The following PDS5A variants were observed in gnomAD, a reference collection of about 807,000 sequenced individuals.
PDS5A encodes the protein PDS5 cohesin associated factor A, also known as sister chromatid cohesion protein PDS5 homolog A.
Under a neutral mutation model 167.1 loss-of-function variants are expected in PDS5A, and 42 were observed. That is an observed-to-expected ratio of 0.25 (90% CI 0.20 to 0.33). The LOEUF (loss-of-function observed/expected upper bound fraction) is 0.33. PDS5A is among the 10% of genes least tolerant of loss of function. The pLI, the probability that PDS5A is intolerant of heterozygous loss-of-function variation, is 1.00. For synonymous variants in PDS5A, 553 were observed against 554.6 expected (o/e 1.00, Z 0.04); for missense variants, 1,033 against 1,605.9 (o/e 0.64, Z 6.10).
At chr4:39,905,651 A>T (rs1426259613) in intron 11 of PDS5A, among the ~76,000 whole-genome samples, 1 of 152,184 alleles carries the variant, frequency 6.6e-6, no homozygotes, top group African/African-American at 2.4e-5. Context: ...GGACCAAAAC[A>T]AACAGGCCAG....
intron 10 of PDS5A, among the ~76,000 whole-genome samples, chr4:39,909,063 A>C (rs1192345939): frequency 1.3e-5 from 2 of 150,164 alleles, no homozygotes; most frequent in African/African-American, 4.9e-5. Flanking sequence ...AATAAAATAA[A>C]ATAAAATAAA....
chr4:39,964,002 G>A (rs1428866472), intron 2 of PDS5A, among the ~76,000 whole-genome samples: 3 of 152,076 alleles, frequency 2.0e-5, no homozygotes, highest in African/African-American at 7.2e-5. Context: ...TGCCTCCCAA[G>A]TTCAAGTGAT....
chr4:39,868,808 T>C lies in PDS5A; in HGVS notation c.2505+586A>G, dbSNP rs1719766597. On this transcript the variant is annotated intron_variant, in intron 22 of 32. Transcript: ENST00000303538. ...TTATTGACAACCAGGAAAAATGAAT[T>C]GATAGAATATATGATGATGATGAAG... is the stretch of plus-strand genomic sequence containing the variant. 9.9e-6 allele frequency: 4 copies of C among 402,438 alleles called. No individual in the cohort carries two copies. The Admixed American group carries it at 1.2e-4, about 12-fold the overall frequency. The allele number at this position is 402,438 out of a possible 1,614,324, so 24.9% of individuals were successfully genotyped here.
intron 26 of PDS5A, among the ~76,000 whole-genome samples, chr4:39,850,302 G>C (rs1718016516): frequency 6.7e-6 from 1 of 149,972 alleles, no homozygotes; most frequent in Non-Finnish European, 1.5e-5. Flanking sequence ...TTCGAGACTA[G>C]CCTCGTGAGA....
intron 17 of PDS5A, among the ~76,000 whole-genome samples, chr4:39,885,061 G>C (rs777872722): frequency 1.3e-5 from 2 of 151,812 alleles, no homozygotes; most frequent in Non-Finnish European, 2.9e-5. Flanking sequence ...ACAGGAGCTC[G>C]AGACCAGCCT....
intron 26 of PDS5A, among the ~76,000 whole-genome samples, chr4:39,858,425 G>C (rs1718710983): frequency 6.6e-6 from 1 of 152,198 alleles, no homozygotes; most frequent in Non-Finnish European, 1.5e-5. Context: ...ATGGTCAGTT[G>C]ATTTTTGACA....
chr4:39,865,055 C>G (rs1719312475), intron 23 of PDS5A, among the ~76,000 whole-genome samples: 1 of 151,902 alleles, frequency 6.6e-6, no homozygotes, highest in South Asian at 2.1e-4. Flanking sequence ...CCAAAGAGTC[C>G]TGCTAATTTA....
Position 39,825,466 on chromosome 4 carries a change from T to C in PDS5A, c.*19A>G. On this transcript the variant is annotated 3_prime_UTR_variant, in exon 33 of 33. Transcript: ENST00000303538. ...CTGCTTCTGTTTGGCCTTCATTTTC[T>C]CCCTTTGCAAATGCATTTTTACCTT... The C allele has an allele frequency of 6.3e-7, 1 of 1,578,330 alleles. No individual in the cohort carries two copies. The highest frequency in any genetic ancestry group is 8.6e-7 in the Non-Finnish European group (1 of 1,159,168).
intron 2 of PDS5A, among the ~76,000 whole-genome samples, chr4:39,952,253 C>T (rs1728478271): frequency 6.6e-6 from 1 of 152,174 alleles, no homozygotes; most frequent in Non-Finnish European, 1.5e-5. Context: ...ACTGCTTGAA[C>T]CCGGGAAGCG....
chr4:39,847,751 G>C (rs1384122338), intron 28 of PDS5A: 1 of 152,150 alleles, frequency 6.6e-6, no homozygotes, highest in South Asian at 2.1e-4. Flanking sequence ...TTTTAGTAAA[G>C]TACGGCATTC....
chr4:39,842,939 T>TATATATATATATATATATATATA (rs1560419736), intron 30 of PDS5A, among the ~76,000 whole-genome samples: 1 of 31,824 alleles, frequency 3.1e-5, no homozygotes, highest in African/African-American at 2.0e-4. Flanking sequence ...ATATATATAT[T>TATATATATATATATATATATATA]TTAAGAGACA....
chr4:39,946,631 T>C (rs1727797445), intron 2 of PDS5A, among the ~76,000 whole-genome samples: 2 of 152,078 alleles, frequency 1.3e-5, no homozygotes, highest in African/African-American at 2.4e-5. Context: ...ATAAAACCCA[T>C]TGGCCAGGCG....
In PDS5A at chr4:39,904,183, T is replaced by TA; in HGVS notation, c.1241dup (p.Arg415LysfsTer13). On this transcript the variant is annotated frameshift_variant, in exon 12 of 33. Coordinates refer to ENST00000303538, the MANE Select transcript of PDS5A (RefSeq NM_001100399.2). LOFTEE classifies it high-confidence loss of function. ...CCAGACCCATCATAGCTTCTTTTCTTACTCGCCACTAAAAAGCATAAAATT... is the reference window on the plus strand; with the variant it reads ...CCAGACCCATCATAGCTTCTTTTCTTAACTCGCCACTAAAAAGCATAAAATT... 1 of 1,604,328 alleles carries TA rather than the reference T, an allele frequency of 6.2e-7. No homozygotes were observed. Among genetic ancestry groups the TA allele is most frequent in the African/African-American group, 1.3e-5 (1 of 74,530 alleles).
chr4:39,860,090 G>C (rs1578621306), intron 26 of PDS5A, among the ~76,000 whole-genome samples: 1 of 151,788 alleles, frequency 6.6e-6, no homozygotes, highest in South Asian at 2.1e-4. Flanking sequence ...GAAAAAAAAA[G>C]GTTTCTCAAA....
intron 2 of PDS5A, among the ~76,000 whole-genome samples, chr4:39,951,831 CAG>C (rs1206854647): frequency 1.5e-5 from 2 of 136,950 alleles, no homozygotes; most frequent in Non-Finnish European, 3.0e-5. Context: ...ACCCGGAAGG[CAG>C]AGGTTACAGT....
intron 26 of PDS5A, among the ~76,000 whole-genome samples, chr4:39,850,434 C>T (rs1203028893): frequency 6.6e-6 from 1 of 151,978 alleles, no homozygotes; most frequent in Non-Finnish European, 1.5e-5. Context: ...CATAATCACA[C>T]CACTGCACTC....
rs764983592 is a variant in PDS5A, at chr4:39,930,215, CAAAAAAAAAAAAAAAA to C, written c.139-2067_139-2052del. Among the ~76,000 whole-genome samples, 45 of 35,096 alleles carry C rather than the reference CAAAAAAAAAAAAAAAA, an allele frequency of 1.3e-3. 2 individuals carry two copies. Among genetic ancestry groups the C allele is most frequent in the South Asian group, 8.6e-3 (6 of 700 alleles). 23.0% of individuals were successfully genotyped at this position (35,096 alleles called of 152,430 possible). ...TGGGCAACAGAGTGAGACTCCATCTCAAAAAAAAAAAAAAAAAAAAAAAAAAAAAAAGTTTTTTTGT... is the reference window on the plus strand; with the variant it reads ...TGGGCAACAGAGTGAGACTCCATCTCAAAAAAAAAAAAAAAGTTTTTTTGT... On this transcript the variant is annotated intron_variant, in intron 2 of 32. Coordinates refer to ENST00000303538, the MANE Select transcript of PDS5A (RefSeq NM_001100399.2).
At chr4:39,964,643 C>T (rs1425875470) in intron 2 of PDS5A, among the ~76,000 whole-genome samples, 5 of 152,130 alleles carry the variant, frequency 3.3e-5, no homozygotes, top group Non-Finnish European at 5.9e-5. Context: ...TGCAGTGAGC[C>T]GAGATTGTGC....
intron 6 of PDS5A, among the ~76,000 whole-genome samples, chr4:39,921,852 A>ATAAACTACAGAATTTTG (rs1725007488): frequency 1.3e-5 from 2 of 152,256 alleles, no homozygotes; most frequent in South Asian, 4.1e-4. Flanking sequence ...CAGAATTTTT[A>ATAAACTACAGAATTTTG]TAAACTACAG....
Sources: gnomAD v4.1 joint callset for allele counts (sites outside exome capture counted in the v4.1 genomes callset) on GRCh38, gnomAD v4.1.1 for gene constraint, MANE v1.5 for transcripts, NCBI Gene and HGNC (gene_info 2026-07-23, HGNC 2026-07-21) for gene names.